The following KCNB2 variants were observed in gnomAD, a reference collection of about 807,000 sequenced individuals.
KCNB2 encodes delayed rectifier potassium channel protein.
A neutral mutation model predicts 61.5 loss-of-function variants in KCNB2; 15 were observed. The ratio of observed to expected loss-of-function variants is 0.24; its 90% CI spans 0.16 to 0.38. The LOEUF is 0.38. Ranked by LOEUF, KCNB2 falls within the 10% of genes least tolerant of loss-of-function variation. The probability of loss-of-function intolerance (pLI) is 1.00; values close to 1 mark genes in which losing one functional copy is unlikely to be tolerated. For synonymous variants in KCNB2, 457 were observed against 446.0 expected (o/e 1.02, Z -0.31); for missense variants, 828 against 1,125.2 (o/e 0.74, Z 3.78).
intron 2 of KCNB2, among the ~76,000 whole-genome samples, chr8:72,726,433 T>G (rs994827810): frequency 6.6e-6 from 1 of 152,330 alleles, no homozygotes; most frequent in Admixed American, 6.5e-5. Flanking sequence ...AAATTGGTTA[T>G]ATAAATGATA....
intron 2 of KCNB2, among the ~76,000 whole-genome samples, chr8:72,632,299 G>A (rs1035746158): frequency 1.6e-4 from 24 of 152,086 alleles, no homozygotes; most frequent in South Asian, 8.3e-4. Context: ...ATTATTTCAT[G>A]AAGTGAAAAT....
intron 1 of KCNB2, among the ~76,000 whole-genome samples, chr8:72,548,927 G>C (rs984490377): frequency 8.5e-5 from 13 of 152,142 alleles, no homozygotes; most frequent in South Asian, 4.1e-4. Flanking sequence ...TTACTGCAAG[G>C]CTGAGTCACT....
intron 2 of KCNB2, among the ~76,000 whole-genome samples, chr8:72,816,662 C>G (rs1283998266): frequency 6.6e-6 from 1 of 152,174 alleles, no homozygotes; most frequent in African/African-American, 2.4e-5. Context: ...GAATGCCCTA[C>G]CAAGCTTACC....
chr8:72,596,750 A>G (rs1005833641), intron 2 of KCNB2, among the ~76,000 whole-genome samples: 7 of 152,180 alleles, frequency 4.6e-5, no homozygotes, highest in African/African-American at 9.7e-5. Context: ...AAAGTATTAC[A>G]TCTTATTTTC....
chr8:72,678,030 C>G (rs1413862332), intron 2 of KCNB2, among the ~76,000 whole-genome samples: 1 of 152,172 alleles, frequency 6.6e-6, no homozygotes, highest in African/African-American at 2.4e-5. Flanking sequence ...GCTGCCTCCC[C>G]TAAACTGGTT....
chr8:72,842,028 GC>G (rs1809899383), intron 2 of KCNB2, among the ~76,000 whole-genome samples: 1 of 152,184 alleles, frequency 6.6e-6, no homozygotes, highest in Non-Finnish European at 1.5e-5. Context: ...AACGCGCCTA[GC>G]TTTTGCCCAT....
chr8:72,815,939 A>C (rs1809389556), intron 2 of KCNB2, among the ~76,000 whole-genome samples: 1 of 152,162 alleles, frequency 6.6e-6, no homozygotes, highest in African/African-American at 2.4e-5. Flanking sequence ...AAAATATTCA[A>C]GTGTAATTGT....
chr8:72,839,352 C>T (rs1197409766), intron 2 of KCNB2, among the ~76,000 whole-genome samples: 3 of 152,160 alleles, frequency 2.0e-5, no homozygotes, highest in Non-Finnish European at 4.4e-5. Context: ...AACTTCCATT[C>T]AGCCAATATC....
intron 2 of KCNB2, among the ~76,000 whole-genome samples, chr8:72,779,742 AGTACAT>A (rs1808722430): frequency 6.6e-6 from 1 of 152,244 alleles, no homozygotes. Flanking sequence ...GTGCCAGGTC[AGTACAT>A]GTAAAACTGT....
chr8:72,695,183 A>G (rs1404231455), intron 2 of KCNB2, among the ~76,000 whole-genome samples: 2 of 152,170 alleles, frequency 1.3e-5, no homozygotes, highest in East Asian at 3.8e-4. Context: ...CAAAATATGC[A>G]TACAGTTTGT....
intron 2 of KCNB2, among the ~76,000 whole-genome samples, chr8:72,916,398 C>T (rs766587367): frequency 9.9e-5 from 15 of 152,146 alleles, no homozygotes; most frequent in Admixed American, 2.0e-4. Context: ...GTTCCACCCC[C>T]TCACGGGACG....
chr8:72,828,294 T>A (rs972695082), intron 2 of KCNB2, among the ~76,000 whole-genome samples: 1 of 152,358 alleles, frequency 6.6e-6, no homozygotes, highest in Non-Finnish European at 1.5e-5. Context: ...TTCTGTTTCA[T>A]CTAATGTCCT....
At chr8:72,777,389 T>C (rs561707217) in intron 2 of KCNB2, among the ~76,000 whole-genome samples, 20 of 152,230 alleles carry the variant, frequency 1.3e-4, no homozygotes, top group African/African-American at 4.6e-4. Context: ...CTCTTCCAAT[T>C]TAGAAATGAT....
intron 2 of KCNB2, among the ~76,000 whole-genome samples, chr8:72,846,557 CA>C (rs59422085): frequency 0.86 from 128,221 of 149,208 alleles, 55,444 homozygotes; most frequent in Middle Eastern, 0.97. Flanking sequence ...AACAAATTTA[CA>C]AAAAAAAAGA....
In KCNB2 at chr8:72,567,982, A is replaced by G. The variant is rs1806653143; in HGVS notation, c.248A>G (p.Asn83Ser). 2 of 1,613,972 alleles carry G rather than the reference A, an allele frequency of 1.2e-6. No homozygotes were observed. The highest frequency in any genetic ancestry group is 1.7e-5 in the Admixed American group (1 of 59,992). ...GAAGTGTGCGACGACTATAATCTGA[A>G]CGAGAACGAGTATTTCTTTGATCGG... ...LLEVCDDYNL[N>S]ENEYFFDRHP... The change falls in exon 2 of 3, where the codon AAC (asparagine) becomes AGC (serine). Residue 83 changes from asparagine (N) to serine (S), a missense_variant. Around this residue, in one of 4 missense-constraint regions of KCNB2, gnomAD observed 163 missense variants for 314.4 expected, o/e 0.52. Transcript: ENST00000523207.
chr8:72,784,000 A>G (rs917534540), intron 2 of KCNB2, among the ~76,000 whole-genome samples: 3 of 152,166 alleles, frequency 2.0e-5, no homozygotes, highest in East Asian at 1.9e-4. Flanking sequence ...GGCTGGATAC[A>G]TAACCAGTTC....
At chr8:72,674,260 T>A (rs915021143) in intron 2 of KCNB2, among the ~76,000 whole-genome samples, 8 of 152,246 alleles carry the variant, frequency 5.3e-5, no homozygotes, top group Non-Finnish European at 1.2e-4. Flanking sequence ...AAAAAGGTGT[T>A]TTTAAAGTAT....
At chr8:72,561,746 TGTATATATATATATGG>T (rs1563523483) in intron 1 of KCNB2, among the ~76,000 whole-genome samples, 33 of 37,220 alleles carry the variant, frequency 8.9e-4, no homozygotes, top group African/African-American at 2.6e-3. Flanking sequence ...TATATATATA[TGTATATATATATATGG>T]ATATATATAT....
At chr8:72,622,228 G>A (rs763205865) in intron 2 of KCNB2, among the ~76,000 whole-genome samples, 1 of 152,088 alleles carries the variant, frequency 6.6e-6, no homozygotes, top group South Asian at 2.1e-4. Context: ...CAAAATGTTT[G>A]CATAGTTTCA....
Sources: gnomAD v4.1 joint callset for allele counts (sites outside exome capture counted in the v4.1 genomes callset) on GRCh38, gnomAD v4.1.1 for gene constraint, gnomAD v4.1.1 regional missense constraint, MANE v1.5 for transcripts, NCBI Gene and HGNC (gene_info 2026-07-23, HGNC 2026-07-21) for gene names.